TAFA5: variants seen among roughly 807,000 people sequenced by gnomAD.
TAFA5 encodes chemokine-like protein TAFA-5.
In TAFA5, 6 loss-of-function variants were observed where a neutral mutation model predicts 15.3. That is an observed-to-expected ratio of 0.39 (90% CI 0.21 to 0.77). The LOEUF (loss-of-function observed/expected upper bound fraction) is 0.77. Among genes scored for constraint, TAFA5 ranks in the 30% least tolerant of loss-of-function variants. The pLI is 0.41. For missense variants in TAFA5, 161 were observed against 193.1 expected (o/e 0.83, Z 0.98); for synonymous variants, 103 against 80.7 (o/e 1.28, Z -1.48).
At chr22:48,523,265 A>G (rs915514263) in intron 1 of TAFA5, among the ~76,000 whole-genome samples, 21 of 152,198 alleles carry the variant, frequency 1.4e-4, no homozygotes, top group African/African-American at 4.8e-4. Context: ...TTGCCGTGGG[A>G]CAGGGCTGGT....
chr22:48,724,033 G>A (rs546635928), intron 3 of TAFA5, among the ~76,000 whole-genome samples: 2 of 152,188 alleles, frequency 1.3e-5, no homozygotes, highest in African/African-American at 4.8e-5. Flanking sequence ...GGAAAGACTC[G>A]GGGTGCTGGT....
At chr22:48,675,154 C>A (rs1802610952) in intron 2 of TAFA5, among the ~76,000 whole-genome samples, 1 of 152,190 alleles carries the variant, frequency 6.6e-6, no homozygotes, top group Non-Finnish European at 1.5e-5. Flanking sequence ...GTTGGCCAGG[C>A]TGGTCTCGAA....
At chr22:48,544,655 G>A (rs1922593330) in intron 1 of TAFA5, 1 of 470,254 alleles carries the variant, frequency 2.1e-6, no homozygotes, top group Non-Finnish European at 4.4e-6. Flanking sequence ...AAGGCCTGAT[G>A]TGCACTAAGC....
intron 1 of TAFA5, chr22:48,576,555 G>T (rs765057197): frequency 1.3e-6 from 2 of 1,510,246 alleles, no homozygotes; most frequent in South Asian, 1.3e-5. Context: ...TGATCCACGC[G>T]CAGTTCCTCA....
chr22:48,685,751 G>T (rs1259533203), intron 2 of TAFA5, among the ~76,000 whole-genome samples: 1 of 152,086 alleles, frequency 6.6e-6, no homozygotes, highest in Non-Finnish European at 1.5e-5. Flanking sequence ...TTCATTTTGG[G>T]TTTACAGCTC....
chr22:48,684,124 A>AGC (rs142809023), intron 2 of TAFA5, among the ~76,000 whole-genome samples: 6,346 of 152,192 alleles, frequency 0.042, 199 homozygotes, highest in South Asian at 0.15. Flanking sequence ...CCATGGAGTG[A>AGC]GCCGTTACCT....
intron 1 of TAFA5, among the ~76,000 whole-genome samples, chr22:48,582,036 G>C (rs1189902633): frequency 6.6e-6 from 1 of 152,060 alleles, no homozygotes; most frequent in Non-Finnish European, 1.5e-5. Context: ...GGGCTCCTTT[G>C]AGACCAACCA....
intron 1 of TAFA5, among the ~76,000 whole-genome samples, chr22:48,542,185 G>T (rs1202091973): frequency 6.8e-6 from 1 of 147,390 alleles, no homozygotes; most frequent in African/African-American, 2.5e-5. Flanking sequence ...TGATGTGTGT[G>T]TCGTGTGTAT....
intron 1 of TAFA5, among the ~76,000 whole-genome samples, chr22:48,505,479 C>T (rs140353292): frequency 2.4e-4 from 37 of 152,294 alleles, no homozygotes; most frequent in African/African-American, 7.7e-4. Context: ...CCTGAGTGTG[C>T]CAGGCCTGGG....
rs1246091818 is a variant in TAFA5, at chr22:48,566,825, G to A, written c.112+77121G>A. ...CTTGGAAGCATTTTTCAAAGCCCTG[G>A]GTCCATGCAGCCCTTGTGGTTCTGC... On this transcript the variant is annotated intron_variant, in intron 1 of 3. Coordinates refer to ENST00000402357, the MANE Select transcript of TAFA5 (RefSeq NM_001082967.3). The surrounding 1 kb of genome is among the most constrained non-coding windows in gnomAD (Gnocchi z 4.5). Among the ~76,000 whole-genome samples, 1 of 152,198 alleles carries A rather than the reference G, an allele frequency of 6.6e-6. No individual in the cohort carries two copies. The highest frequency in any genetic ancestry group is 1.5e-5 in the Non-Finnish European group (1 of 68,032).
intron 1 of TAFA5, among the ~76,000 whole-genome samples, chr22:48,611,387 A>G (rs1925404935): frequency 6.6e-6 from 1 of 152,176 alleles, no homozygotes; most frequent in African/African-American, 2.4e-5. Context: ...ATTAGAACTC[A>G]CTTATTCAGC....
rs2147127397 is a variant in TAFA5, at chr22:48,552,829, C to G, written c.112+63125C>G. 6.6e-6 allele frequency among the ~76,000 whole-genome samples: 1 copy of G among 152,206 alleles called. No individual in the cohort carries two copies. Among genetic ancestry groups the G allele is most frequent in the East Asian group, 1.9e-4 (1 of 5,142 alleles). ...TTGCACCTATATGGGGCTTCCAGGG[C>G]TCACCCCGAGGGAGGAGGCCCAGAG... On this transcript the variant is annotated intron_variant, in intron 1 of 3. Transcript: ENST00000402357. The surrounding 1 kb of genome is among the most constrained non-coding windows in gnomAD (Gnocchi z 4.1).
chr22:48,651,521 C>T (rs573505334), intron 2 of TAFA5, among the ~76,000 whole-genome samples: 1 of 152,026 alleles, frequency 6.6e-6, no homozygotes, highest in East Asian at 1.9e-4. Flanking sequence ...GGCAGGTGGG[C>T]ACTGCCGGGT....
intron 1 of TAFA5, among the ~76,000 whole-genome samples, chr22:48,556,357 G>A (rs191197528): frequency 2.8e-4 from 42 of 152,304 alleles, no homozygotes; most frequent in Non-Finnish European, 2.2e-4. Flanking sequence ...TCCATCCTGC[G>A]CACCACAGGG....
chr22:48,576,130 G>A (rs1923783607), intron 1 of TAFA5, among the ~76,000 whole-genome samples: 1 of 143,922 alleles, frequency 6.9e-6, no homozygotes, highest in Non-Finnish European at 1.5e-5. Flanking sequence ...GGCGGCGGCG[G>A]GGCTGATTCA....
chr22:48,718,146 C>T (rs1929458265), intron 3 of TAFA5, among the ~76,000 whole-genome samples: 1 of 152,180 alleles, frequency 6.6e-6, no homozygotes, highest in Non-Finnish European at 1.5e-5. Flanking sequence ...TGCCCTCTCC[C>T]AGAGACAGGC....
intron 2 of TAFA5, among the ~76,000 whole-genome samples, chr22:48,658,058 C>T (rs1178088849): frequency 6.6e-6 from 1 of 152,202 alleles, no homozygotes; most frequent in African/African-American, 2.4e-5. Flanking sequence ...CTCCAGGAAG[C>T]CGAGAGCTGA....
chr22:48,614,006 G>T (rs898015228), intron 1 of TAFA5, among the ~76,000 whole-genome samples: 1 of 152,210 alleles, frequency 6.6e-6, no homozygotes, highest in Non-Finnish European at 1.5e-5. Flanking sequence ...AAAGCCGCTC[G>T]CGAGCATGTG....
At chr22:48,574,745 A>G (rs1481361146) in intron 1 of TAFA5, among the ~76,000 whole-genome samples, 2 of 152,176 alleles carry the variant, frequency 1.3e-5, no homozygotes, top group Admixed American at 1.3e-4. Context: ...AGGCAAAAAT[A>G]CCTTGAGGCC....
Sources: gnomAD v4.1 joint callset for allele counts (sites outside exome capture counted in the v4.1 genomes callset) on GRCh38, gnomAD v4.1.1 for gene constraint, Gnocchi (gnomAD v3.1) non-coding constraint, MANE v1.5 for transcripts, NCBI Gene and HGNC (gene_info 2026-07-23, HGNC 2026-07-21) for gene names.